The following DNAJC11 variants were observed in gnomAD, a reference collection of about 807,000 sequenced individuals.
DNAJC11 encodes the protein DnaJ heat shock protein family (Hsp40) member C11.
In DNAJC11, 15 loss-of-function variants were observed where a neutral mutation model predicts 78.6. The observed-to-expected ratio is 0.19, with a 90% CI of 0.13 to 0.29. The LOEUF is 0.29. Ranked by LOEUF, DNAJC11 falls within the 10% of genes least tolerant of loss-of-function variation. DNAJC11 has a pLI of 1.00. For synonymous variants in DNAJC11, 292 were observed against 272.1 expected, an observed-to-expected ratio of 1.07 and a Z score of -0.72; for missense variants, 547 against 709.6, an observed-to-expected ratio of 0.77 and a Z score of 2.60.
chr1:6,644,791 C>G, intron 9 of DNAJC11, 117 bp from the exon 10 acceptor site: 1 of 912,656 alleles, frequency 1.1e-6, no homozygotes, highest in East Asian at 2.5e-5. Flanking sequence ...CCTCGACCCC[C>G]AGGGAGCAGA....
chr1:6,635,693 C>T lies in DNAJC11; in HGVS notation c.1662G>A (p.Arg554=). ...TGGCAGTTTATCCATCTGTATCGAT[C>T]CTGTGGGCTGTAAAGGAAAAGACAG... ...EALRIPKQSH[R]IDTDG The change falls in exon 16 of 16, where the codon AGG becomes AGA. Residue 554 remains arginine (R), a synonymous_variant. Coordinates refer to ENST00000377577, the MANE Select transcript of DNAJC11 (RefSeq NM_018198.4). 1.9e-6 allele frequency: 3 copies of T among 1,614,156 alleles called. No homozygotes were observed. Among genetic ancestry groups the T allele is most frequent in the Non-Finnish European group, 2.5e-6 (3 of 1,180,022 alleles).
At chr1:6,641,390 A>T (rs10864630) in intron 10 of DNAJC11, among the ~76,000 whole-genome samples, 50,932 of 126,956 alleles carry the variant, frequency 0.4, 9,808 homozygotes, top group South Asian at 0.52. Flanking sequence ...AAAAAAAAAA[A>T]ATATATATAT....
intron 3 of DNAJC11, among the ~76,000 whole-genome samples, chr1:6,669,524 AGAAAAG>A (rs1257579223): frequency 3.1e-5 from 3 of 97,796 alleles, no homozygotes; most frequent in Non-Finnish European, 6.6e-5. Context: ...AGAAAAGAAA[AGAAAAG>A]AAAAGAAAAG....
chr1:6,645,269 T>A lies in DNAJC11; in HGVS notation c.895-143A>T. Reference sequence around the variant, plus strand: ...GTCACGGTCTGGCAGCCGCAGTGAGTGCACCATGATTTATTAGCAGCCAGT... The same window carrying A: ...GTCACGGTCTGGCAGCCGCAGTGAGAGCACCATGATTTATTAGCAGCCAGT... On this transcript the variant is annotated intron_variant, in intron 8 of 15. Coordinates refer to ENST00000377577, the MANE Select transcript of DNAJC11 (RefSeq NM_018198.4). This position sits in a 1 kb window ranked among gnomAD's most constrained non-coding sequence, Gnocchi z 4.1. 1 of 610,886 alleles carries A rather than the reference T, an allele frequency of 1.6e-6. No individual in the cohort carries two copies. Among genetic ancestry groups the A allele is most frequent in the Non-Finnish European group, 3.0e-6 (1 of 336,506 alleles). The allele number at this position is 610,886 out of a possible 1,614,324, so 37.8% of individuals were successfully genotyped here. A position where few individuals can be genotyped will look rare whatever the true frequency, so the allele number is the denominator to read the frequency against.
In DNAJC11 at chr1:6,653,026, A is replaced by C; in HGVS notation, c.508-75T>G. On this transcript the variant is annotated intron_variant, in intron 5 of 15. Coordinates refer to ENST00000377577, the MANE Select transcript of DNAJC11 (RefSeq NM_018198.4). The surrounding 1 kb of genome is among the most constrained non-coding windows in gnomAD (Gnocchi z 4.5). Reference sequence around the variant, plus strand: ...CCAATGGCAGCAGCCTAAAGAACGCACTGTGAGCCCAAGGCCAAAGGTGCA... The same window carrying C: ...CCAATGGCAGCAGCCTAAAGAACGCCCTGTGAGCCCAAGGCCAAAGGTGCA... 1 of 1,587,108 alleles carries C rather than the reference A, an allele frequency of 6.3e-7. No individual in the cohort carries two copies. Among genetic ancestry groups the C allele is most frequent in the Non-Finnish European group, 8.6e-7 (1 of 1,160,702 alleles).
intron 1 of DNAJC11, among the ~76,000 whole-genome samples, chr1:6,682,269 A>G (rs1300976558): frequency 6.6e-6 from 1 of 151,588 alleles, no homozygotes; most frequent in East Asian, 1.9e-4. Flanking sequence ...CAAAAAAAAT[A>G]CAATTTTACT....
Position 6,637,903 on chromosome 1 carries a change from G to A in DNAJC11, c.1323+392C>T. 1.5e-5 allele frequency: 6 copies of A among 404,814 alleles called. No individual in the cohort carries two copies. In the South Asian group the frequency reaches 1.7e-4, roughly 12 times the overall value. 25.1% of individuals were successfully genotyped at this position (404,814 alleles called of 1,614,324 possible). A position where few individuals can be genotyped will look rare whatever the true frequency, so the allele number is the denominator to read the frequency against. On this transcript the variant is annotated intron_variant, in intron 12 of 15. Coordinates refer to ENST00000377577, the MANE Select transcript of DNAJC11 (RefSeq NM_018198.4). ...CTTGAGAAAGGACCTGTGTTCTCCT[G>A]TGGTGCCATTCTGCTGGGCATAGCT...
chr1:6,665,251 A>G (rs1208120560), intron 4 of DNAJC11, among the ~76,000 whole-genome samples: 1 of 152,132 alleles, frequency 6.6e-6, no homozygotes, highest in African/African-American at 2.4e-5. Context: ...AATATTTTGT[A>G]GAGATGGGGG....
intron 3 of DNAJC11, among the ~76,000 whole-genome samples, chr1:6,669,645 AAAG>A (rs1204708607): frequency 6.6e-6 from 1 of 152,250 alleles, no homozygotes; most frequent in African/African-American, 2.4e-5. Flanking sequence ...TTGACATTTC[AAAG>A]AAGTGGAAAG....
At chr1:6,651,482 A>G in intron 7 of DNAJC11, 47 bp downstream of exon 7, 2 of 1,535,558 alleles carry the variant, frequency 1.3e-6, no homozygotes, top group Admixed American at 1.7e-5. Context: ...CTAGTCTCCT[A>G]AGCCAACAAA....
rs147511222 is a variant in DNAJC11, at chr1:6,654,115, C to T, written c.379-76G>A. Reference sequence around the variant, plus strand: ...AAAGACAATGCTACACTTCAACAGCCAGCTCGCTTTAATTGAACAAGTCAT... The same window carrying T: ...AAAGACAATGCTACACTTCAACAGCTAGCTCGCTTTAATTGAACAAGTCAT... On this transcript the variant is annotated intron_variant, in intron 4 of 15. Coordinates refer to ENST00000377577, the MANE Select transcript of DNAJC11 (RefSeq NM_018198.4). 3.9e-4 allele frequency: 606 copies of T among 1,557,972 alleles called. 2 individuals carry two copies. The highest frequency in any genetic ancestry group is 3.6e-3 in the Middle Eastern group (21 of 5,804).
chr1:6,670,312 GGGCTCACACTCATCTCACA>G (rs1642360405), intron 3 of DNAJC11: 1 of 152,002 alleles, frequency 6.6e-6, no homozygotes, highest in Non-Finnish European at 1.5e-5. Context: ...CTCTTCTCAT[GGGCTCACACTCATCTCACA>G]GGCTCACACT....
At chr1:6,666,376 CTTTCTTTTCTTTTTTTTTTTTTTTTTT>C (rs1642294052) in intron 4 of DNAJC11, among the ~76,000 whole-genome samples, 1 of 131,556 alleles carries the variant, frequency 7.6e-6, no homozygotes, top group Admixed American at 8.8e-5. Flanking sequence ...TGTTTTTTTT[CTTTCTTTTCTTTTTTTTTTTTTTTTTT>C]TGAGATGGAG....
intron 3 of DNAJC11, among the ~76,000 whole-genome samples, chr1:6,671,586 C>CA (rs1460159381): frequency 7.8e-6 from 1 of 127,880 alleles, no homozygotes; most frequent in Non-Finnish European, 1.6e-5. Context: ...GGCTGGAGTG[C>CA]AATGGTGCAA....
chr1:6,651,532 C>T lies in DNAJC11; in HGVS notation c.701G>A (p.Arg234Lys), dbSNP rs1642054655. Residue 234 changes from arginine to lysine, a missense_variant, in exon 7 of 16, where the codon AGA (arginine) becomes AAA (lysine). Arg to Lys is a conservative substitution (Grantham distance 26). Transcript: ENST00000377577. The part of the protein sequence containing the change: ...GLKLFRNLTP[R>K]CFVTTNCALQ... ...AGCTGCTGTCTCTCATATTTACCAT[C>T]TTGGTGTGAGATTACGGAACAGCTT... 6.2e-7 allele frequency: 1 copy of T among 1,613,730 alleles called. No individual in the cohort carries two copies. The highest frequency in any genetic ancestry group is 1.3e-5 in the African/African-American group (1 of 74,940).
Position 6,645,874 on chromosome 1 carries a change from A to C in DNAJC11, c.809T>G (p.Leu270Arg). 1 of 1,614,146 alleles carries C rather than the reference A, an allele frequency of 6.2e-7. No homozygotes were observed. The highest frequency in any genetic ancestry group is 8.5e-7 in the Non-Finnish European group (1 of 1,180,004). The change falls in exon 8 of 16, where the codon CTG becomes CGG. Residue 270 changes from leucine to arginine, a missense_variant. Coordinates refer to ENST00000377577, the MANE Select transcript of DNAJC11 (RefSeq NM_018198.4). The surrounding 1 kb of genome is among the most constrained non-coding windows in gnomAD (Gnocchi z 4.1). ...RNLDKNTVGY[L>R]QWRWGIQSAM... Reference sequence around the variant, plus strand: ...TGACTGGATACCCCATCGCCACTGCAGGTAGCCCACGGTGTTCTTGTCTAG... The same window carrying C: ...TGACTGGATACCCCATCGCCACTGCCGGTAGCCCACGGTGTTCTTGTCTAG...
In DNAJC11 at chr1:6,645,071, T is replaced by C; in HGVS notation, c.950A>G (p.Asp317Gly). 2 of 1,614,118 alleles carry C rather than the reference T, an allele frequency of 1.2e-6. No homozygotes were observed. Among genetic ancestry groups the C allele is most frequent in the Non-Finnish European group, 1.7e-6 (2 of 1,179,994 alleles). The change falls in exon 9 of 16, where the codon GAC becomes GGC. Residue 317 changes from aspartate to glycine, a missense_variant. Coordinates refer to ENST00000377577, the MANE Select transcript of DNAJC11 (RefSeq NM_018198.4). This position sits in a 1 kb window ranked among gnomAD's most constrained non-coding sequence, Gnocchi z 4.1. ...LISYQHKFQDDDQTRVKGSLK... is the reference protein window; with the variant it reads ...LISYQHKFQDGDQTRVKGSLK... ...GGATCCTTTCACACGAGTCTGATCG[T>C]CATCTTGGAATTTGTGCTGATAGCT...
At chr1:6,690,263 C>T (rs1642723951) in intron 1 of DNAJC11, among the ~76,000 whole-genome samples, 1 of 152,180 alleles carries the variant, frequency 6.6e-6, no homozygotes, top group Admixed American at 6.5e-5. Flanking sequence ...TAAAAGCCTT[C>T]CTTATTAATG....
chr1:6,691,308 A>T (rs1642742312), intron 1 of DNAJC11, among the ~76,000 whole-genome samples: 1 of 152,106 alleles, frequency 6.6e-6, no homozygotes, highest in South Asian at 2.1e-4. Flanking sequence ...AATGGGCCCA[A>T]GGTGCAAAAA....
Sources: allele counts gnomAD v4.1 joint callset (sites outside exome capture counted in the v4.1 genomes callset), GRCh38; gene constraint gnomAD v4.1.1; non-coding constraint Gnocchi (gnomAD v3.1); transcripts MANE v1.5; gene names NCBI Gene and HGNC (gene_info 2026-07-23, HGNC 2026-07-21).